Variants in ZNF581 observed in about 807,000 individuals in gnomAD.
ZNF581 encodes zinc finger protein 581.
A neutral mutation model predicts 1.2 loss-of-function variants in ZNF581; 1 was observed. That is an observed-to-expected ratio of 0.83 (90% CI 0.30 to 3.95). The LOEUF (loss-of-function observed/expected upper bound fraction) is 3.95. ZNF581 is among the 30% of genes most tolerant of loss of function. ZNF581 has a pLI of 0.18. For missense variants in ZNF581, 273 were observed against 274.6 expected, an observed-to-expected ratio of 0.99 and a Z score of 0.04; for synonymous variants, 105 against 109.2, an observed-to-expected ratio of 0.96 and a Z score of 0.24.
upstream of ZNF581, among the ~76,000 whole-genome samples, chr19:55,637,617 CG>C (rs1252620394): frequency 6.6e-6 from 1 of 152,062 alleles, no homozygotes; most frequent in African/African-American, 2.4e-5. Context: ...ATAAGCTGGG[CG>C]TAAGTGGTGG....
chr19:55,640,075 G>A (rs1982353035), upstream of ZNF581: 1 of 966,840 alleles, frequency 1.0e-6, no homozygotes, highest in Non-Finnish European at 1.2e-6. Context: ...GGCACCCCAG[G>A]GTCTTGGGGC....
chr19:55,638,204 A>C (rs987584411), upstream of ZNF581, among the ~76,000 whole-genome samples: 1 of 151,884 alleles, frequency 6.6e-6, no homozygotes, highest in Non-Finnish European at 1.5e-5. Context: ...TGGTGGGGGG[A>C]AAAGACTGGC....
upstream of ZNF581, chr19:55,640,575 T>C (rs931412729): frequency 8.1e-6 from 8 of 985,344 alleles, no homozygotes; most frequent in Non-Finnish European, 9.6e-6. Flanking sequence ...TCTCCGGGCC[T>C]CGGCCTCCCC....
upstream of ZNF581, chr19:55,640,328 C>T: frequency 1.0e-6 from 1 of 985,158 alleles, no homozygotes; most frequent in Non-Finnish European, 1.2e-6. Flanking sequence ...GGACCTGGCG[C>T]AGCCCGCGAG....
chr19:55,640,760 G>A, upstream of ZNF581: 1 of 985,516 alleles, frequency 1.0e-6, no homozygotes, highest in Non-Finnish European at 1.2e-6. Flanking sequence ...ACAAACCCTT[G>A]TGGGCCTTAG....
In ZNF581 at chr19:55,645,337, C is replaced by T. The variant is rs552102882; in HGVS notation, c.*172C>T. On this transcript the variant is annotated 3_prime_UTR_variant, in exon 2 of 2. Transcript: ENST00000270451. ...GAAGGAGGAATCCGTGAGTAATCTT[C>T]AGGTCCTCCGTGTTCTGGAGCTGAG... 7 of 548,652 alleles carry T rather than the reference C, an allele frequency of 1.3e-5. No homozygotes were observed. In the African/African-American group the frequency reaches 1.3e-4, roughly 10 times the overall value. The allele number at this position is 548,652 out of a possible 1,614,324, so 34.0% of individuals were successfully genotyped here.
chr19:55,644,451 G>T lies in ZNF581; in HGVS notation c.-19-102G>T. 3 of 713,206 alleles carry T rather than the reference G, an allele frequency of 4.2e-6. No individual in the cohort carries two copies. The highest frequency in any genetic ancestry group is 6.8e-6 in the Non-Finnish European group (3 of 438,402). The allele number at this position is 713,206 out of a possible 1,614,324, so 44.2% of individuals were successfully genotyped here. ...AAGAGGGACTGAGGGGCAGCAGGATGCAGAGGTCCTGGGCCGGGTATAGGG... is the reference window on the plus strand; with the variant it reads ...AAGAGGGACTGAGGGGCAGCAGGATTCAGAGGTCCTGGGCCGGGTATAGGG... On this transcript the variant is annotated intron_variant, in intron 1 of 1. Coordinates refer to ENST00000270451, the MANE Select transcript of ZNF581 (RefSeq NM_016535.4). The surrounding 1 kb of genome is among the most constrained non-coding windows in gnomAD (Gnocchi z 4.3).
At chr19:55,637,545 C>T (rs1262054055), upstream of ZNF581, among the ~76,000 whole-genome samples, 1 of 151,780 alleles carries the variant, frequency 6.6e-6, no homozygotes, top group Non-Finnish European at 1.5e-5. Context: ...TGAAAAAAGA[C>T]ACAGCAACAA....
upstream of ZNF581, among the ~76,000 whole-genome samples, chr19:55,639,880 G>C (rs1385626763): frequency 6.6e-6 from 1 of 152,188 alleles, no homozygotes; most frequent in Non-Finnish European, 1.5e-5. Context: ...GCCTCCGAAA[G>C]TGCTGGGGTT....
upstream of ZNF581, chr19:55,641,224 C>T: frequency 2.1e-6 from 2 of 974,838 alleles, no homozygotes; most frequent in Non-Finnish European, 2.4e-6. Flanking sequence ...GGCCCTGGGA[C>T]GACGCCGGGG....
upstream of ZNF581, chr19:55,640,873 G>C (rs1389777305): frequency 1.0e-6 from 1 of 985,344 alleles, no homozygotes. Flanking sequence ...GGCCGCCGGG[G>C]GCGGGCGTCT....
upstream of ZNF581, chr19:55,640,761 T>G (rs1432410498): frequency 3.0e-6 from 3 of 985,366 alleles, no homozygotes; most frequent in Admixed American, 1.8e-4. Flanking sequence ...CAAACCCTTG[T>G]GGGCCTTAGG....
At chr19:55,639,535 G>A (rs1982314891), upstream of ZNF581, among the ~76,000 whole-genome samples, 1 of 152,314 alleles carries the variant, frequency 6.6e-6, no homozygotes, top group Non-Finnish European at 1.5e-5. Flanking sequence ...TGGGCCCTTG[G>A]GCCTCCAGTT....
upstream of ZNF581, among the ~76,000 whole-genome samples, chr19:55,638,226 C>T (rs1204851023): frequency 1.3e-5 from 2 of 151,704 alleles, no homozygotes; most frequent in African/African-American, 4.9e-5. Context: ...GGAGGTGACA[C>T]GCTTTTTTGT....
upstream of ZNF581, chr19:55,640,976 A>T (rs1473558117): frequency 1.0e-6 from 1 of 985,308 alleles, no homozygotes; most frequent in East Asian, 1.1e-4. Flanking sequence ...GAACCTCCGC[A>T]CTGGGCTCGC....
chr19:55,637,394 G>A (rs552485405), upstream of ZNF581, among the ~76,000 whole-genome samples: 1 of 152,206 alleles, frequency 6.6e-6, no homozygotes, highest in East Asian at 1.9e-4. Context: ...AAAATTAGCC[G>A]GCCATGGTGG....
chr19:55,640,863 G>A (rs1172546162), upstream of ZNF581: 6 of 985,372 alleles, frequency 6.1e-6, no homozygotes, highest in Middle Eastern at 5.2e-4. Context: ...AGGGGAGCGG[G>A]GCCGCCGGGG....
upstream of ZNF581, among the ~76,000 whole-genome samples, chr19:55,636,836 A>T (rs1256921437): frequency 6.6e-6 from 1 of 152,208 alleles, no homozygotes; most frequent in Non-Finnish European, 1.5e-5. Flanking sequence ...TGAGGGGCTG[A>T]AAGGAACATC....
upstream of ZNF581, among the ~76,000 whole-genome samples, chr19:55,638,192 CATG>C (rs1041777919): frequency 1.1e-4 from 16 of 152,106 alleles, no homozygotes; most frequent in Non-Finnish European, 1.8e-4. Flanking sequence ...TGGCATATCT[CATG>C]GTGGGGGGAA....
Sources: allele counts gnomAD v4.1 joint callset (sites outside exome capture counted in the v4.1 genomes callset), GRCh38; gene constraint gnomAD v4.1.1; non-coding constraint Gnocchi (gnomAD v3.1); transcripts MANE v1.5; gene names NCBI Gene and HGNC (gene_info 2026-07-23, HGNC 2026-07-21).